Variants in F5 observed in about 807,000 individuals in gnomAD.
F5 encodes coagulation factor V, also known as activated protein c cofactor.
In F5, 138 loss-of-function variants were observed where a neutral mutation model predicts 216.4. The ratio of observed to expected loss-of-function variants is 0.64; its 90% CI spans 0.56 to 0.73. The LOEUF (loss-of-function observed/expected upper bound fraction) is 0.73, where lower values mean the gene tolerates loss of function less well. F5 is among the 30% of genes least tolerant of loss of function. F5 has a pLI of 0.00. For missense variants in F5, 2,403 were observed against 2,674.0 expected (o/e 0.90, Z 2.24); for synonymous variants, 916 against 930.7 (o/e 0.98, Z 0.29).
chr1:169,529,886 A>G (rs941165862), intron 15 of F5, 68 bp from the exon 16 acceptor site: 2 of 1,340,540 alleles, frequency 1.5e-6, no homozygotes, highest in Non-Finnish European at 2.1e-6. Context: ...ATAATCACTC[A>G]TCATATAGAA....
In F5 at chr1:169,540,872, G is replaced by A. The variant is rs778624448; in HGVS notation, c.4218C>T (p.Leu1406=). 61 of 1,611,274 alleles carry A rather than the reference G, an allele frequency of 3.8e-5. 1 individual carries two copies. The highest frequency in any genetic ancestry group is 1.7e-4 in the Middle Eastern group (1 of 6,054). ...GGTCTGGAGAAAGTGTCATCTGGTC[G>A]AGGTCTGGGGTAAGGGGAATTTGAC... is the stretch of plus-strand genomic sequence containing the variant. The part of the protein sequence containing the change: ...DLSQIPLTPD[L]DQMTLSPDLG... The change falls in exon 13 of 25, where the codon CTC becomes CTT. Residue 1406 remains leucine (L), a synonymous_variant. Transcript: ENST00000367797.
At chr1:169,571,833 C>T (rs940972492) in intron 3 of F5, among the ~76,000 whole-genome samples, 1 of 152,128 alleles carries the variant, frequency 6.6e-6, no homozygotes, top group African/African-American at 2.4e-5. Flanking sequence ...TGAGTACTTG[C>T]AACAGAGATC....
At chr1:169,524,344 TGCCACAGGC>T (rs1659380562) in intron 19 of F5, among the ~76,000 whole-genome samples, 1 of 152,188 alleles carries the variant, frequency 6.6e-6, no homozygotes, top group Admixed American at 6.5e-5. Context: ...GATGAATGGT[TGCCACAGGC>T]AAAGGGCCAT....
At chr1:169,554,765 T>A (rs967149487) in intron 7 of F5, among the ~76,000 whole-genome samples, 2 of 152,198 alleles carry the variant, frequency 1.3e-5, no homozygotes, top group African/African-American at 2.4e-5. Context: ...CCCATGAAGT[T>A]TAATTTGCAT....
At chr1:169,572,110 G>A in intron 3 of F5, 111 bp downstream of exon 3, 1 of 1,179,198 alleles carries the variant, frequency 8.5e-7, no homozygotes, top group African/African-American at 1.5e-5. Flanking sequence ...ATTACCAGTT[G>A]CAAGAGATTT....
At chr1:169,567,541 A>C (rs1221449171) in intron 3 of F5, among the ~76,000 whole-genome samples, 1 of 102,842 alleles carries the variant, frequency 9.7e-6, no homozygotes, top group Non-Finnish European at 1.9e-5. Flanking sequence ...TGGTAAAAGT[A>C]CTTTTTTTTT....
intron 3 of F5, among the ~76,000 whole-genome samples, 188 bp from the exon 4 acceptor site, chr1:169,560,954 TAA>T (rs1660470106): frequency 6.6e-6 from 1 of 152,194 alleles, no homozygotes; most frequent in Non-Finnish European, 1.5e-5. Context: ...AAGGCTTTGA[TAA>T]CATGGTGATC....
At chr1:169,582,897 A>G (rs985877645) in intron 1 of F5, among the ~76,000 whole-genome samples, 2 of 152,240 alleles carry the variant, frequency 1.3e-5, no homozygotes, top group Non-Finnish European at 2.9e-5. Context: ...TTTTCAACTG[A>G]TCAATCAAAT....
At chr1:169,515,090 A>G (rs552467907) in intron 24 of F5, among the ~76,000 whole-genome samples, 6 of 152,282 alleles carry the variant, frequency 3.9e-5, no homozygotes, top group African/African-American at 1.4e-4. Flanking sequence ...ATGCATTTTA[A>G]TTTATTTATT....
intron 10 of F5, among the ~76,000 whole-genome samples, chr1:169,547,986 T>C (rs12409749): frequency 6.6e-6 from 1 of 152,172 alleles, no homozygotes; most frequent in Non-Finnish European, 1.5e-5. Context: ...ATGGTACATA[T>C]ACACCATAGA....
In F5 at chr1:169,552,313, C is replaced by G. The variant is rs721161; in HGVS notation, c.1296+244G>C. Among the ~76,000 whole-genome samples, 47,552 of 152,044 alleles carry G rather than the reference C, an allele frequency of 0.31. 8,481 individuals are homozygous for G. Among genetic ancestry groups the G allele is most frequent in the Non-Finnish European group, 0.42 (28,497 of 67,952 alleles). On this transcript the variant is annotated intron_variant, in intron 8 of 24. Transcript: ENST00000367797. Reference sequence around the variant, plus strand: ...ATCTGTGGCTTTATTTTCTTTGTCCCCGTATTCTATCCCAATTACATAGAC... The same window carrying G: ...ATCTGTGGCTTTATTTTCTTTGTCCGCGTATTCTATCCCAATTACATAGAC...
intron 3 of F5, among the ~76,000 whole-genome samples, chr1:169,570,623 G>A (rs1268474080): frequency 6.6e-6 from 1 of 152,068 alleles, no homozygotes; most frequent in Non-Finnish European, 1.5e-5. Flanking sequence ...GTAGTTCATT[G>A]ACCTATTATC....
At chr1:169,584,466 A>G (rs1661057973) in intron 1 of F5, among the ~76,000 whole-genome samples, 1 of 152,242 alleles carries the variant, frequency 6.6e-6, no homozygotes, top group South Asian at 2.1e-4. Context: ...TGACTAAACA[A>G]GTTTTCTAAG....
chr1:169,524,257 A>G (rs1051740948), intron 19 of F5, among the ~76,000 whole-genome samples: 2 of 152,242 alleles, frequency 1.3e-5, no homozygotes, highest in African/African-American at 4.8e-5. Context: ...GATCTTGGGA[A>G]GGGCTTTGAG....
At chr1:169,544,622 T>A in intron 11 of F5, 114 bp from the exon 12 acceptor site, 1 of 875,108 alleles carries the variant, frequency 1.1e-6, no homozygotes, top group Non-Finnish European at 1.8e-6. Flanking sequence ...AAGCAGTGAT[T>A]ATCCAAGATA....
chr1:169,561,703 A>G (rs2101833738), intron 3 of F5, among the ~76,000 whole-genome samples: 1 of 152,244 alleles, frequency 6.6e-6, no homozygotes, highest in African/African-American at 2.4e-5. Flanking sequence ...TTTGGGATGC[A>G]GTTATTTTTG....
intron 16 of F5, 135 bp downstream of exon 16, chr1:169,529,473 A>G (rs889635192): frequency 4.1e-5 from 33 of 804,538 alleles, no homozygotes; most frequent in Non-Finnish European, 6.4e-5. Context: ...TGGAATGTTA[A>G]GGAACCGGTT....
chr1:169,581,524 C>T (rs1660986754), intron 2 of F5, among the ~76,000 whole-genome samples: 1 of 151,570 alleles, frequency 6.6e-6, no homozygotes, highest in African/African-American at 2.4e-5. Flanking sequence ...TGATTTTTAA[C>T]TGAAAGGAAG....
intron 3 of F5, among the ~76,000 whole-genome samples, chr1:169,571,587 A>C (rs556141803): frequency 6.6e-6 from 1 of 152,156 alleles, no homozygotes; most frequent in Non-Finnish European, 1.5e-5. Context: ...AGTGTCATCT[A>C]TGTGCCAGGA....
Sources: allele counts gnomAD v4.1 joint callset (sites outside exome capture counted in the v4.1 genomes callset), GRCh38; gene constraint gnomAD v4.1.1; transcripts MANE v1.5; gene names NCBI Gene and HGNC (gene_info 2026-07-23, HGNC 2026-07-21).